Variants in TMPRSS3 observed in about 807,000 individuals in gnomAD.
TMPRSS3 encodes the protein transmembrane serine protease 3.
Under a neutral mutation model 59.6 loss-of-function variants are expected in TMPRSS3, and 55 were observed. The ratio of observed to expected loss-of-function variants is 0.92; its 90% CI spans 0.74 to 1.16. The LOEUF is 1.16. TMPRSS3 is among the 50% of genes most tolerant of loss of function. The pLI is 0.00. For missense variants in TMPRSS3, 596 were observed against 579.4 expected, an observed-to-expected ratio of 1.03 and a Z score of -0.29; for synonymous variants, 257 against 237.7, an observed-to-expected ratio of 1.08 and a Z score of -0.75.
At chr21:42,389,490 A>G (rs1034970360) in intron 3 of TMPRSS3, among the ~76,000 whole-genome samples, 1 of 152,242 alleles carries the variant, frequency 6.6e-6, no homozygotes. Context: ...CAGGTATTTG[A>G]AAGAAAAATT....
Position 42,388,946 on chromosome 21 carries a change from TC to T in TMPRSS3, c.304del (p.Glu102ArgfsTer50). On this transcript the variant is annotated frameshift_variant, in exon 4 of 13. Transcript: ENST00000644384. LOFTEE classifies it high-confidence loss of function. This position sits in a 1 kb window ranked among gnomAD's most constrained non-coding sequence, Gnocchi z 5.1. ...GACCTTACCACAGCGGTACTCGTCC[TC>T]CCCGTCTTTGCAATCCGAGACTCCG... is the stretch of plus-strand genomic sequence containing the variant. ...CDGVSDCKDG[E>X]DEYRCVRVGG... The T allele has an allele frequency of 1.2e-6, 2 of 1,614,064 alleles. No homozygotes were observed. The highest frequency in any genetic ancestry group is 1.7e-6 in the Non-Finnish European group (2 of 1,179,972).
At chr21:42,373,356 T>C (rs2052366186) in intron 12 of TMPRSS3, among the ~76,000 whole-genome samples, 1 of 152,220 alleles carries the variant, frequency 6.6e-6, no homozygotes, top group Non-Finnish European at 1.5e-5. Flanking sequence ...ATCTCTCGCA[T>C]GCACTGGTGG....
In TMPRSS3 at chr21:42,385,538, C is replaced by T; in HGVS notation, c.447-4G>A. On this transcript the variant is annotated splice_region_variant and splice_polypyrimidine_tract_variant and intron_variant, in intron 5 of 12. Coordinates refer to ENST00000644384, the MANE Select transcript of TMPRSS3 (RefSeq NM_001256317.3). Reference sequence around the variant, plus strand: ...GAGGTTATCTGAACTCACATAGCTGCAAGCACATTGGAAAGACAGACCCGA... The same window carrying T: ...GAGGTTATCTGAACTCACATAGCTGTAAGCACATTGGAAAGACAGACCCGA... 2 of 1,614,120 alleles carry T rather than the reference C, an allele frequency of 1.2e-6. No homozygotes were observed. The highest frequency in any genetic ancestry group is 1.7e-6 in the Non-Finnish European group (2 of 1,179,990).
chr21:42,379,071 G>A (rs1413294179), intron 10 of TMPRSS3, among the ~76,000 whole-genome samples: 1 of 152,008 alleles, frequency 6.6e-6, no homozygotes, highest in Non-Finnish European at 1.5e-5. Context: ...TTTTAGTAGA[G>A]ACAGGGTCTC....
chr21:42,375,936 A>G (rs1461355758), intron 11 of TMPRSS3, 68 bp from the exon 12 acceptor site: 4 of 1,598,898 alleles, frequency 2.5e-6, no homozygotes, highest in East Asian at 2.2e-5. Flanking sequence ...TTCTGTGGAC[A>G]GTCTGCCGTG....
At chr21:42,375,233 C>T (rs893382153) in intron 12 of TMPRSS3, among the ~76,000 whole-genome samples, 3 of 144,068 alleles carry the variant, frequency 2.1e-5, no homozygotes, top group African/African-American at 7.8e-5. Context: ...GACCCCCCAC[C>T]CCCCCACACC....
In TMPRSS3 at chr21:42,390,791, G is replaced by A. The variant is rs542202862; in HGVS notation, c.95-754C>T. On this transcript the variant is annotated intron_variant, in intron 2 of 12. Transcript: ENST00000644384. ...GGACAAACATGCATGAAGGGAAGAGGATGGGAGGAGACACAGGCAGAAGCC... is the reference window on the plus strand; with the variant it reads ...GGACAAACATGCATGAAGGGAAGAGAATGGGAGGAGACACAGGCAGAAGCC... Among the ~76,000 whole-genome samples, 13 of 152,300 alleles carry A rather than the reference G, an allele frequency of 8.5e-5. No individual in the cohort carries two copies. In the East Asian group the frequency reaches 2.1e-3, roughly 25 times the overall value.
At chr21:42,386,259 G>T (rs1157844246) in intron 5 of TMPRSS3, among the ~76,000 whole-genome samples, 1 of 152,200 alleles carries the variant, frequency 6.6e-6, no homozygotes, top group Non-Finnish European at 1.5e-5. Flanking sequence ...TTTTCATAGT[G>T]AACACACCAG....
intron 2 of TMPRSS3, among the ~76,000 whole-genome samples, chr21:42,392,592 G>A (rs879808692): frequency 3.9e-5 from 6 of 152,172 alleles, no homozygotes; most frequent in African/African-American, 7.2e-5. Context: ...AATGAAGGCC[G>A]TTTTAACTCA....
intron 6 of TMPRSS3, among the ~76,000 whole-genome samples, chr21:42,384,767 T>A (rs552894610): frequency 9.9e-4 from 150 of 152,216 alleles, no homozygotes; most frequent in Admixed American, 2.0e-3. Flanking sequence ...ATCTTAGGGT[T>A]TGGGCCTAGA....
At chr21:42,395,247 A>C (rs2146461333) in intron 2 of TMPRSS3, 77 bp downstream of exon 2, 5 of 1,249,764 alleles carry the variant, frequency 4.0e-6, no homozygotes, top group South Asian at 2.4e-5. Context: ...TTTCCCCCAC[A>C]GGGACAGTCA....
chr21:42,380,331 G>A (rs970946525), intron 9 of TMPRSS3, 119 bp from the exon 10 acceptor site: 2 of 826,788 alleles, frequency 2.4e-6, no homozygotes, highest in African/African-American at 3.4e-5. Context: ...GGAAGGTCAA[G>A]CCCTTGGTTA....
At chr21:42,376,768 A>C (rs1374048635) in intron 10 of TMPRSS3, 85 bp from the exon 11 acceptor site, 8 of 1,594,144 alleles carry the variant, frequency 5.0e-6, no homozygotes, top group Non-Finnish European at 5.1e-6. Flanking sequence ...CAGGGGGGTG[A>C]GGGAACGAGG....
intron 12 of TMPRSS3, 124 bp from the exon 13 acceptor site, chr21:42,372,903 C>T: frequency 8.3e-7 from 1 of 1,203,106 alleles, no homozygotes; most frequent in Non-Finnish European, 1.2e-6. Flanking sequence ...ACGATGAAGA[C>T]AAGGTTGGCC....
At chr21:42,374,930 A>G (rs925456212) in intron 12 of TMPRSS3, among the ~76,000 whole-genome samples, 2 of 151,900 alleles carry the variant, frequency 1.3e-5, no homozygotes, top group Admixed American at 1.3e-4. Context: ...CTAAAGCTGC[A>G]GTTTCTAAGA....
At chr21:42,375,194 C>T (rs901954338) in intron 12 of TMPRSS3, among the ~76,000 whole-genome samples, 17 of 151,010 alleles carry the variant, frequency 1.1e-4, no homozygotes, top group African/African-American at 4.1e-4. Context: ...CCCTGCAGGC[C>T]CCTCCCACTT....
At chr21:42,376,747 C>T (rs2052437063) in intron 10 of TMPRSS3, 64 bp from the exon 11 acceptor site, 3 of 1,610,890 alleles carry the variant, frequency 1.9e-6, no homozygotes, top group Admixed American at 1.7e-5. Context: ...ACAGAAGGCG[C>T]ATGCTGAGAC....
In TMPRSS3 at chr21:42,386,023, C is replaced by T. The variant is rs1470372029; in HGVS notation, c.447-489G>A. On this transcript the variant is annotated intron_variant, in intron 5 of 12. Transcript: ENST00000644384. ...CCTGCCCAGGACCAGCGCAGAGCCC[C>T]ACTGGAAAGAGATGAACACAAACAA... is the stretch of plus-strand genomic sequence containing the variant. 2.0e-5 allele frequency among the ~76,000 whole-genome samples: 3 copies of T among 152,250 alleles called. No individual in the cohort carries two copies. The East Asian group carries it at 5.8e-4, about 29-fold the overall frequency.
chr21:42,377,205 A>G (rs968260753), intron 10 of TMPRSS3, among the ~76,000 whole-genome samples: 1 of 152,238 alleles, frequency 6.6e-6, no homozygotes, highest in Non-Finnish European at 1.5e-5. Flanking sequence ...ATTGAGGGAC[A>G]GGCCTTGAGT....
Sources: allele counts gnomAD v4.1 joint callset (sites outside exome capture counted in the v4.1 genomes callset), GRCh38; gene constraint gnomAD v4.1.1; non-coding constraint Gnocchi (gnomAD v3.1); transcripts MANE v1.5; gene names NCBI Gene and HGNC (gene_info 2026-07-23, HGNC 2026-07-21).